SGK1: variants seen among roughly 807,000 people sequenced by gnomAD.
SGK1 encodes the protein serum/glucocorticoid regulated kinase 1.
Under a neutral mutation model 64.2 loss-of-function variants are expected in SGK1, and 26 were observed. The ratio of observed to expected loss-of-function variants is 0.40; its 90% CI spans 0.30 to 0.56. The LOEUF is 0.56. Ranked by LOEUF, SGK1 falls within the 20% of genes least tolerant of loss-of-function variation. SGK1 has a pLI of 0.38. For missense variants in SGK1, 519 were observed against 645.6 expected, an observed-to-expected ratio of 0.80 and a Z score of 2.12; for synonymous variants, 265 against 239.7, an observed-to-expected ratio of 1.11 and a Z score of -0.98.
chr6:134,204,903 TTTTC>T (rs905670964), intron 3 of SGK1, among the ~76,000 whole-genome samples: 23 of 152,138 alleles, frequency 1.5e-4, no homozygotes, highest in Middle Eastern at 3.4e-3. Context: ...AACATTTTCT[TTTTC>T]TTTCTTTCTT....
intron 1 of SGK1, among the ~76,000 whole-genome samples, chr6:134,299,715 A>G (rs1439749928): frequency 1.3e-5 from 2 of 152,120 alleles, no homozygotes; most frequent in African/African-American, 4.8e-5. Context: ...GGAAATACTC[A>G]ATGTTTGGAT....
chr6:134,254,759 A>G (rs1318999690), intron 2 of SGK1, among the ~76,000 whole-genome samples: 1 of 152,228 alleles, frequency 6.6e-6, no homozygotes, highest in Non-Finnish European at 1.5e-5. Flanking sequence ...ACAGACAAGA[A>G]GAAAGAAATA....
At chr6:134,178,597 C>G (rs1775284453) in intron 3 of SGK1, among the ~76,000 whole-genome samples, 1 of 152,186 alleles carries the variant, frequency 6.6e-6, no homozygotes, top group Admixed American at 6.5e-5. Context: ...CCTCATACTC[C>G]CTGGTGGCGA....
chr6:134,309,738 T>A (rs149349531), intron 1 of SGK1, among the ~76,000 whole-genome samples: 2 of 152,308 alleles, frequency 1.3e-5, no homozygotes, highest in Admixed American at 6.5e-5. Context: ...GCCAATGATT[T>A]CACGCTCAAA....
intron 2 of SGK1, among the ~76,000 whole-genome samples, chr6:134,223,349 C>G (rs1008095152): frequency 1.4e-5 from 2 of 138,672 alleles, no homozygotes; most frequent in African/African-American, 5.2e-5. Context: ...GCCTGGGCAA[C>G]AAGAGCAAAA....
intron 1 of SGK1, among the ~76,000 whole-genome samples, chr6:134,301,929 A>T (rs992302068): frequency 6.6e-6 from 1 of 152,226 alleles, no homozygotes; most frequent in Non-Finnish European, 1.5e-5. Context: ...ATATGGATGG[A>T]TAAGTGTCAA....
intron 3 of SGK1, among the ~76,000 whole-genome samples, chr6:134,191,495 AC>A (rs1161594572): frequency 6.6e-6 from 1 of 152,162 alleles, no homozygotes; most frequent in Admixed American, 6.5e-5. Flanking sequence ...TAGCTCTTCT[AC>A]ACATTCTCAA....
At chr6:134,297,167 A>C in intron 1 of SGK1, 1 of 663,278 alleles carries the variant, frequency 1.5e-6, no homozygotes, top group Non-Finnish European at 2.7e-6. Flanking sequence ...GACCACCTGC[A>C]TAGCCGCTGG....
intron 3 of SGK1, among the ~76,000 whole-genome samples, chr6:134,179,064 T>C (rs1031116060): frequency 6.6e-6 from 1 of 152,232 alleles, no homozygotes; most frequent in African/African-American, 2.4e-5. Context: ...CACAAAGATA[T>C]GACTTTTTCC....
intron 3 of SGK1, among the ~76,000 whole-genome samples, chr6:134,177,087 G>C (rs1443836327): frequency 2.6e-5 from 4 of 152,278 alleles, no homozygotes; most frequent in South Asian, 2.1e-4. Context: ...GGTGGCGTGC[G>C]CCTGTAGTCC....
At chr6:134,218,432 T>C (rs1776023077) in intron 2 of SGK1, among the ~76,000 whole-genome samples, 2 of 89,684 alleles carry the variant, frequency 2.2e-5, no homozygotes, top group Admixed American at 1.5e-4. Flanking sequence ...TTTCTTTCTT[T>C]TTTTCTTTTT....
At chr6:134,188,917 T>C (rs1004195769) in intron 3 of SGK1, among the ~76,000 whole-genome samples, 4 of 147,790 alleles carry the variant, frequency 2.7e-5, no homozygotes, top group Non-Finnish European at 4.5e-5. Flanking sequence ...TCTTTTTTTT[T>C]TTTTTTTTTT....
intron 1 of SGK1, among the ~76,000 whole-genome samples, chr6:134,262,625 G>A (rs1776784633): frequency 6.6e-6 from 1 of 151,922 alleles, no homozygotes; most frequent in East Asian, 1.9e-4. Context: ...CTTGAACCTG[G>A]GAAGCGGAGG....
rs768258175 is a variant in SGK1 at position 134,177,629 on chromosome 6, G to A, written c.362-3043C>T. 1.0e-4 allele frequency: 157 copies of A among 1,576,710 alleles called. 1 individual carries two copies. In the South Asian group the frequency reaches 1.7e-3, roughly 17 times the overall value. ...TGCCAAGTAACCCCAAATCCTTTGA[G>A]GCATCTGCAAAATATAGTACGGTAA... is the stretch of plus-strand genomic sequence containing the variant. On this transcript the variant is annotated intron_variant, in intron 3 of 13. Coordinates refer to ENST00000367858, the MANE Select transcript of SGK1 (RefSeq NM_001143676.3).
At chr6:134,243,687 G>A (rs1776482167) in intron 2 of SGK1, among the ~76,000 whole-genome samples, 1 of 152,070 alleles carries the variant, frequency 6.6e-6, no homozygotes. Flanking sequence ...CAGTTTTAAA[G>A]TATTATCCTT....
At chr6:134,175,407 C>A in intron 3 of SGK1, 2 of 1,286,720 alleles carry the variant, frequency 1.6e-6, no homozygotes, top group Non-Finnish European at 2.0e-6. Context: ...CCTGCGCGCG[C>A]GACCTCGCCC....
intron 1 of SGK1, among the ~76,000 whole-genome samples, chr6:134,269,424 C>A (rs1459719125): frequency 6.8e-6 from 1 of 147,238 alleles, no homozygotes; most frequent in Non-Finnish European, 1.5e-5. Context: ...AGGTGGAGGC[C>A]GAGGCAGGTG....
intron 3 of SGK1, chr6:134,177,633 T>C: frequency 6.3e-7 from 1 of 1,590,216 alleles, no homozygotes; most frequent in South Asian, 1.1e-5. Flanking sequence ...CTTTGAGGCA[T>C]CTGCAAAATA....
intron 1 of SGK1, among the ~76,000 whole-genome samples, chr6:134,288,764 A>T (rs983837386): frequency 6.6e-6 from 1 of 152,154 alleles, no homozygotes; most frequent in African/African-American, 2.4e-5. Context: ...TTTCTTTGTG[A>T]TACGTTTTCT....
Sources: gnomAD v4.1 joint callset for allele counts (sites outside exome capture counted in the v4.1 genomes callset) on GRCh38, gnomAD v4.1.1 for gene constraint, MANE v1.5 for transcripts, NCBI Gene and HGNC (gene_info 2026-07-23, HGNC 2026-07-21) for gene names.